CDH18: variants seen among roughly 807,000 people sequenced by gnomAD.
CDH18 encodes the protein cadherin 18, also known as cadherin-18.
A neutral mutation model predicts 67.9 loss-of-function variants in CDH18; 31 were observed. The ratio of observed to expected loss-of-function variants is 0.46; its 90% confidence interval spans 0.34 to 0.62. The LOEUF (loss-of-function observed/expected upper bound fraction) is 0.62, where lower values mean the gene tolerates loss of function less well. Ranked by LOEUF, CDH18 falls within the 20% of genes least tolerant of loss-of-function variation. The pLI, the probability that CDH18 is intolerant of heterozygous loss-of-function variation, is 0.01. For synonymous variants in CDH18, 362 were observed against 347.2 expected (o/e 1.04, Z -0.48); for missense variants, 890 against 975.5 (o/e 0.91, Z 1.17).
At chr5:20,135,427 G>A (rs1056984158) in intron 2 of CDH18, among the ~76,000 whole-genome samples, 4 of 151,964 alleles carry the variant, frequency 2.6e-5, no homozygotes, top group Admixed American at 2.0e-4. Flanking sequence ...CTGTGGGATC[G>A]GTGGTTATAT....
At chr5:19,749,190 G>A (rs569815041) in intron 3 of CDH18, among the ~76,000 whole-genome samples, 1 of 151,988 alleles carries the variant, frequency 6.6e-6, no homozygotes, top group South Asian at 2.1e-4. Context: ...CTCTAACTTC[G>A]CGTCAATCCA....
At chr5:20,404,047 C>T (rs187850963) in intron 1 of CDH18, among the ~76,000 whole-genome samples, 122 of 152,296 alleles carry the variant, frequency 8.0e-4, no homozygotes, top group Admixed American at 1.6e-3. Flanking sequence ...ATTATGGAGA[C>T]GGCTTCTTTC....
At chr5:20,367,744 A>G (rs78583076) in intron 1 of CDH18, among the ~76,000 whole-genome samples, 49 of 152,352 alleles carry the variant, frequency 3.2e-4, no homozygotes, top group Non-Finnish European at 6.2e-4. Context: ...CTAACTGGTA[A>G]GTGAAGTGAC....
chr5:20,501,413 T>C (rs1315953276), intron 1 of CDH18, among the ~76,000 whole-genome samples: 1 of 139,736 alleles, frequency 7.2e-6, no homozygotes, highest in Non-Finnish European at 1.6e-5. Context: ...TATATATTTT[T>C]ATATACATAT....
intron 2 of CDH18, among the ~76,000 whole-genome samples, chr5:19,977,604 G>A (rs954122813): frequency 2.0e-5 from 3 of 152,056 alleles, no homozygotes; most frequent in African/African-American, 7.2e-5. Context: ...TTATAACCAG[G>A]TATAAGCAAA....
At chr5:19,745,634 T>C (rs10941442) in intron 4 of CDH18, among the ~76,000 whole-genome samples, 146,483 of 152,206 alleles carry the variant, frequency 0.96, 70,729 homozygotes, top group Middle Eastern at 1. Flanking sequence ...CCTTTAATTC[T>C]CCCTCGACTC....
chr5:20,360,589 T>G (rs1385154635), intron 1 of CDH18, among the ~76,000 whole-genome samples: 1 of 152,198 alleles, frequency 6.6e-6, no homozygotes, highest in Admixed American at 6.5e-5. Context: ...GGAATATTCC[T>G]TAAAATTGAA....
At chr5:20,567,745 C>T (rs1758595352) in intron 1 of CDH18, among the ~76,000 whole-genome samples, 1 of 152,098 alleles carries the variant, frequency 6.6e-6, no homozygotes, top group Non-Finnish European at 1.5e-5. Flanking sequence ...CAGTCCCAGT[C>T]CAGCATCATA....
chr5:20,141,768 C>G (rs1322451747), intron 2 of CDH18, among the ~76,000 whole-genome samples: 1 of 151,746 alleles, frequency 6.6e-6, no homozygotes, highest in East Asian at 1.9e-4. Flanking sequence ...CAGATAACAT[C>G]TGAAATGTAG....
intron 3 of CDH18, among the ~76,000 whole-genome samples, chr5:19,822,717 A>C (rs1301295916): frequency 2.0e-5 from 3 of 152,196 alleles, no homozygotes; most frequent in Non-Finnish European, 4.4e-5. Context: ...GCAGGGCGAG[A>C]TCACAGGACC....
intron 1 of CDH18, among the ~76,000 whole-genome samples, chr5:20,433,217 A>G (rs532678819): frequency 1.3e-5 from 2 of 150,960 alleles, no homozygotes; most frequent in Non-Finnish European, 2.9e-5. Context: ...CTCTTAAAGG[A>G]GCAGTTAAGG....
intron 1 of CDH18, among the ~76,000 whole-genome samples, chr5:20,328,705 C>T (rs1467374700): frequency 1.3e-5 from 2 of 152,074 alleles, no homozygotes; most frequent in Non-Finnish European, 2.9e-5. Context: ...TTTTTGATTC[C>T]CATACCGGGT....
chr5:20,087,576 G>T (rs1405533710), intron 2 of CDH18, among the ~76,000 whole-genome samples: 1 of 151,968 alleles, frequency 6.6e-6, no homozygotes, highest in African/African-American at 2.4e-5. Context: ...TTATCAGTCA[G>T]CAGCCATTAG....
intron 3 of CDH18, among the ~76,000 whole-genome samples, chr5:19,758,152 T>C (rs781230679): frequency 1.3e-5 from 2 of 152,198 alleles, no homozygotes; most frequent in Non-Finnish European, 2.9e-5. Flanking sequence ...CCTGATCATA[T>C]ATATAACCAC....
chr5:20,020,124 A>T (rs1366850129), intron 2 of CDH18, among the ~76,000 whole-genome samples: 1 of 152,144 alleles, frequency 6.6e-6, no homozygotes. Context: ...TGGTGGAAGA[A>T]ATTTCTAAGC....
intron 2 of CDH18, among the ~76,000 whole-genome samples, chr5:20,232,945 C>A (rs1054348053): frequency 6.6e-6 from 1 of 151,772 alleles, no homozygotes; most frequent in Non-Finnish European, 1.5e-5. Flanking sequence ...AATAGCCAAC[C>A]AGATTATTCA....
At chr5:20,091,394 G>A (rs909154336) in intron 2 of CDH18, among the ~76,000 whole-genome samples, 1 of 152,064 alleles carries the variant, frequency 6.6e-6, no homozygotes, top group Non-Finnish European at 1.5e-5. Flanking sequence ...AGGAGGCTGA[G>A]GCAGGAAGAT....
At chr5:20,291,113 T>C (rs1580679149) in intron 1 of CDH18, among the ~76,000 whole-genome samples, 1 of 152,146 alleles carries the variant, frequency 6.6e-6, no homozygotes, top group African/African-American at 2.4e-5. Flanking sequence ...AAATATGTAA[T>C]ATAGAATAAG....
intron 1 of CDH18, among the ~76,000 whole-genome samples, chr5:20,314,608 AC>A: frequency 6.6e-6 from 1 of 152,118 alleles, no homozygotes; most frequent in South Asian, 2.1e-4. Context: ...ACTAGCATGG[AC>A]CCCATTAGTT....
Sources: gnomAD v4.1 joint callset for allele counts (sites outside exome capture counted in the v4.1 genomes callset) on GRCh38, gnomAD v4.1.1 for gene constraint, MANE v1.5 for transcripts, NCBI Gene and HGNC (gene_info 2026-07-23, HGNC 2026-07-21) for gene names.